NLRP14: variants seen among roughly 807,000 people sequenced by gnomAD.
NLRP14 encodes the protein NLR family pyrin domain containing 14, also known as NACHT, LRR and PYD domains-containing protein 14.
A neutral mutation model predicts 94.7 loss-of-function variants in NLRP14; 105 were observed. The observed-to-expected ratio is 1.11, with a 90% CI of 0.95 to 1.30. NLRP14 has a LOEUF of 1.30. NLRP14 is among the 50% of genes most tolerant of loss of function. NLRP14 has a pLI of 0.00. For missense variants in NLRP14, 1,362 were observed against 1,254.1 expected, an observed-to-expected ratio of 1.09 and a Z score of -1.30; for synonymous variants, 508 against 459.9, an observed-to-expected ratio of 1.10 and a Z score of -1.34.
In NLRP14 at chr11:7,022,289, T is replaced by G. The variant is rs115504988; in HGVS notation, c.-22+1519T>G. Among the ~76,000 whole-genome samples the G allele has an allele frequency of 1.4e-3, 219 of 152,260 alleles. 2 individuals are homozygous for G. Among genetic ancestry groups the G allele is most frequent in the African/African-American group, 5.2e-3 (215 of 41,546 alleles). The stretch of plus-strand genomic sequence containing the variant: ...GCTTTGATGGGGGTCCTGGGAGCAG[T>G]CACCAGATGCCTAGAGATGTACCCA... On this transcript the variant is annotated intron_variant, in intron 1 of 11. Transcript: ENST00000299481.
chr11:7,037,533 C>T (rs1435565415), intron 1 of NLRP14, among the ~76,000 whole-genome samples: 3 of 152,142 alleles, frequency 2.0e-5, no homozygotes, highest in Non-Finnish European at 4.4e-5. Flanking sequence ...TCTATCTCTT[C>T]AGGCAATTCA....
chr11:7,022,655 A>C (rs1196457081), intron 1 of NLRP14, among the ~76,000 whole-genome samples: 1 of 152,222 alleles, frequency 6.6e-6, no homozygotes, highest in African/African-American at 2.4e-5. Flanking sequence ...GTTGAAGTGC[A>C]CAGAAAATTT....
At chr11:7,049,563 T>C in intron 5 of NLRP14, 108 bp from the exon 6 acceptor site, 1 of 824,808 alleles carries the variant, frequency 1.2e-6, no homozygotes, top group Non-Finnish European at 2.0e-6. Flanking sequence ...GAAAATAAGA[T>C]AAAAGAATAT....
In NLRP14 at chr11:7,042,902, G is replaced by A; in HGVS notation, c.876G>A (p.Leu292=). 6.2e-7 allele frequency: 1 copy of A among 1,614,168 alleles called. No individual in the cohort carries two copies. The highest frequency in any genetic ancestry group is 8.5e-7 in the Non-Finnish European group (1 of 1,180,008). ...CAGTGTCCTTCCTCATGAGTAGTTT[G>A]CTGAGGAAAGTGATGCTCCCTGAGG... ...EHPVSFLMSS[L]LRKVMLPEAS... The change falls in exon 4 of 12, where the codon TTG becomes TTA. Residue 292 remains leucine, a synonymous_variant. Coordinates refer to ENST00000299481, the MANE Select transcript of NLRP14 (RefSeq NM_176822.4).
downstream of NLRP14, among the ~76,000 whole-genome samples, chr11:7,072,851 C>A (rs1389053702): frequency 6.6e-6 from 1 of 152,078 alleles, no homozygotes; most frequent in Non-Finnish European, 1.5e-5. Flanking sequence ...CAGTTGTGGC[C>A]ACTTATTGTC....
Position 7,057,674 on chromosome 11 carries a change from C to G in NLRP14, c.2292-3C>G. On this transcript the variant is annotated splice_region_variant and splice_polypyrimidine_tract_variant and intron_variant, in intron 6 of 11. Coordinates refer to ENST00000299481, the MANE Select transcript of NLRP14 (RefSeq NM_176822.4). ...ATTCCTGCTTTTCTGTGTTGTTTTC[C>G]AGGCTGGAATCTTGCAACCTAACTG... is the stretch of plus-strand genomic sequence containing the variant. 2 of 1,611,668 alleles carry G rather than the reference C, an allele frequency of 1.2e-6. No individual in the cohort carries two copies. The highest frequency in any genetic ancestry group is 2.2e-5 in the East Asian group (1 of 44,826).
intron 10 of NLRP14, among the ~76,000 whole-genome samples, chr11:7,063,660 A>G (rs1322592634): frequency 6.6e-6 from 1 of 152,076 alleles, no homozygotes; most frequent in African/African-American, 2.4e-5. Flanking sequence ...TCACATAAAT[A>G]TGCTACTCCA....
At chr11:7,066,375 T>C (rs1023701302) in intron 10 of NLRP14, among the ~76,000 whole-genome samples, 3 of 152,218 alleles carry the variant, frequency 2.0e-5, no homozygotes, top group Non-Finnish European at 4.4e-5. Context: ...CATCTGTTGT[T>C]TCTTGACTTT....
At chr11:7,044,949 C>T (rs1020733907) in intron 4 of NLRP14, among the ~76,000 whole-genome samples, 8 of 152,166 alleles carry the variant, frequency 5.3e-5, no homozygotes, top group African/African-American at 1.9e-4. Flanking sequence ...CTCATTTAGT[C>T]TTCTGATAGT....
rs1266092042 is a variant in NLRP14 at position 7,047,846 on chromosome 11, G to A, written c.2123+1014G>A. Among the ~76,000 whole-genome samples, 9 of 136,722 alleles carry A rather than the reference G, an allele frequency of 6.6e-5. No individual in the cohort carries two copies. The South Asian group carries it at 7.3e-4, about 11-fold the overall frequency. 89.7% of individuals were successfully genotyped at this position (136,722 alleles called of 152,430 possible). ...ACAATCTCGGCTCACTGCAACCTCCGCCTCCCAGGTTCAAGCCATTCTCCT... is the reference window on the plus strand; with the variant it reads ...ACAATCTCGGCTCACTGCAACCTCCACCTCCCAGGTTCAAGCCATTCTCCT... On this transcript the variant is annotated intron_variant, in intron 5 of 11. Transcript: ENST00000299481.
intron 6 of NLRP14, among the ~76,000 whole-genome samples, chr11:7,056,536 A>C (rs1314667994): frequency 6.7e-6 from 1 of 149,604 alleles, no homozygotes; most frequent in Non-Finnish European, 1.5e-5. Context: ...AAAAAAAGAA[A>C]TCTCAAGAAA....
At chr11:7,087,833 C>A in the NLRP14 span, among the ~76,000 whole-genome samples, 1 of 151,902 alleles carries the variant, frequency 6.6e-6, no homozygotes, top group Non-Finnish European at 1.5e-5. Context: ...GCAAAAGTAC[C>A]GAAAGTTATA....
rs114365768 is a variant in NLRP14, at chr11:7,056,937, C to T, written c.2292-740C>T. ...GGAGGAAGCTTCTCTGTTCCTTCCT[C>T]TATAGACCCTGATTTTGATGACGAG... On this transcript the variant is annotated intron_variant, in intron 6 of 11. Coordinates refer to ENST00000299481, the MANE Select transcript of NLRP14 (RefSeq NM_176822.4). Among the ~76,000 whole-genome samples the T allele has an allele frequency of 5.1e-3, 776 of 152,096 alleles. 4 individuals carry two copies. The highest frequency in any genetic ancestry group is 0.012 in the African/African-American group (498 of 41,522).
rs765826717 is a variant in NLRP14 at position 7,039,802 on chromosome 11, TTCA to T, written c.361+21_361+23del. On this transcript the variant is annotated intron_variant, in intron 3 of 11. Coordinates refer to ENST00000299481, the MANE Select transcript of NLRP14 (RefSeq NM_176822.4). Reference sequence around the variant, plus strand: ...CAGTGCTGGGTGAGTAGTTAGGCCTTTCATCAGATTTGGGAGGCATTCAAAGTT... The same window carrying T: ...CAGTGCTGGGTGAGTAGTTAGGCCTTTCAGATTTGGGAGGCATTCAAAGTT... 5.1e-5 allele frequency: 81 copies of T among 1,592,094 alleles called. No homozygotes were observed. The highest frequency in any genetic ancestry group is 1.7e-4 in the Middle Eastern group (1 of 6,036).
the NLRP14 span, among the ~76,000 whole-genome samples, chr11:7,085,679 G>A: frequency 6.6e-6 from 1 of 152,040 alleles, no homozygotes; most frequent in Non-Finnish European, 1.5e-5. Flanking sequence ...AAATTATGTA[G>A]TATTTGCATA....
At chr11:7,063,030 G>T (rs1162478852) in intron 10 of NLRP14, among the ~76,000 whole-genome samples, 1 of 152,048 alleles carries the variant, frequency 6.6e-6, no homozygotes, top group Admixed American at 6.6e-5. Flanking sequence ...TGCTCTATGT[G>T]TGGGAAGCTC....
rs779424781 is a variant in NLRP14 at position 7,063,922 on chromosome 11, A to G, written c.2975+1419A>G. ...GCTGCCATTCTTTGGTGTCACTGGC[A>G]ATAAATAAACAAAGATGGGCCAAAA... is the stretch of plus-strand genomic sequence containing the variant. On this transcript the variant is annotated intron_variant, in intron 10 of 11. Coordinates refer to ENST00000299481, the MANE Select transcript of NLRP14 (RefSeq NM_176822.4). 3.2e-4 allele frequency among the ~76,000 whole-genome samples: 48 copies of G among 152,224 alleles called. 1 individual carries two copies. Among genetic ancestry groups the G allele is most frequent in the Non-Finnish European group, 4.7e-4 (32 of 67,972 alleles).
Position 7,033,801 on chromosome 11 carries a change from G to T in NLRP14, c.-21-4765G>T, listed in dbSNP as rs142581441. On this transcript the variant is annotated intron_variant, in intron 1 of 11. Transcript: ENST00000299481. Reference sequence around the variant, plus strand: ...TCTCAGTCTTTCCTTGTTTTCTGATGACCTTGACAGTTCTGAGAAGTACTA... The same window carrying T: ...TCTCAGTCTTTCCTTGTTTTCTGATTACCTTGACAGTTCTGAGAAGTACTA... Among the ~76,000 whole-genome samples the T allele has an allele frequency of 2.4e-3, 362 of 152,282 alleles. 2 individuals are homozygous for T. The highest frequency in any genetic ancestry group is 2.3e-3 in the Non-Finnish European group (155 of 68,026).
At chr11:7,077,856 T>C in the NLRP14 span, among the ~76,000 whole-genome samples, 77 of 152,214 alleles carry the variant, frequency 5.1e-4, no homozygotes, top group Admixed American at 4.6e-3. Context: ...AAGATGAGAT[T>C]TGGGTGGGGA....
Sources: gnomAD v4.1 joint callset for allele counts (sites outside exome capture counted in the v4.1 genomes callset) on GRCh38, gnomAD v4.1.1 for gene constraint, MANE v1.5 for transcripts, NCBI Gene and HGNC (gene_info 2026-07-23, HGNC 2026-07-21) for gene names.